Variants in EPM2A observed in about 807,000 individuals in gnomAD.
The protein encoded by EPM2A is EPM2A glucan phosphatase, laforin, also known as laforin.
In EPM2A, 21 loss-of-function variants were observed where a neutral mutation model predicts 26.5. The observed-to-expected ratio is 0.79, with a 90% CI of 0.56 to 1.14. The LOEUF is 1.14. Among genes scored for constraint, EPM2A ranks in the 50% most tolerant of loss-of-function variants. The pLI is 0.00. For synonymous variants in EPM2A, 217 were observed against 177.6 expected (o/e 1.22, Z -1.76); for missense variants, 458 against 440.8 (o/e 1.04, Z -0.35).
intron 2 of EPM2A, chr6:145,638,695 T>C (rs1438741143): frequency 1.3e-5 from 2 of 152,124 alleles, no homozygotes; most frequent in African/African-American, 4.8e-5. Context: ...AAAAGTAAGG[T>C]TATAAAGTGA....
intron 4 of EPM2A, among the ~76,000 whole-genome samples, chr6:145,395,573 C>T (rs1562318963): frequency 6.6e-6 from 1 of 152,168 alleles, no homozygotes; most frequent in Non-Finnish European, 1.5e-5. Context: ...TGAGGCCCTT[C>T]TCACCCTGCA....
intron 4 of EPM2A, among the ~76,000 whole-genome samples, chr6:145,397,492 G>A (rs1015655633): frequency 2.0e-5 from 3 of 152,102 alleles, no homozygotes; most frequent in Admixed American, 6.6e-5. Flanking sequence ...GTTGGTCTAC[G>A]CCTTTAGAAC....
At chr6:145,714,722 A>AAG (rs1259679556) in intron 1 of EPM2A, among the ~76,000 whole-genome samples, 4 of 152,172 alleles carry the variant, frequency 2.6e-5, no homozygotes, top group African/African-American at 7.2e-5. Context: ...ACAGCAGGCA[A>AAG]AGAGAGAGAG....
chr6:145,489,143 T>G (rs1779722726), intron 4 of EPM2A, among the ~76,000 whole-genome samples: 1 of 152,180 alleles, frequency 6.6e-6, no homozygotes, highest in South Asian at 2.1e-4. Flanking sequence ...CAACATTTGT[T>G]CCAACGAAAG....
At chr6:145,412,173 C>T (rs918984607) in intron 4 of EPM2A, among the ~76,000 whole-genome samples, 21 of 147,854 alleles carry the variant, frequency 1.4e-4, no homozygotes, top group African/African-American at 4.8e-4. Flanking sequence ...GCCAAGATTG[C>T]GCCATTGCAC....
chr6:145,498,477 C>T (rs2114748598), downstream of EPM2A, among the ~76,000 whole-genome samples: 1 of 152,236 alleles, frequency 6.6e-6, no homozygotes, highest in East Asian at 1.9e-4. Flanking sequence ...TGAGACTTCA[C>T]ACAGCTCTGT....
At chr6:145,478,633 T>G (rs1779570118) in intron 4 of EPM2A, among the ~76,000 whole-genome samples, 1 of 151,778 alleles carries the variant, frequency 6.6e-6, no homozygotes, top group Non-Finnish European at 1.5e-5. Flanking sequence ...CTGTTTCTCT[T>G]CTAACATAAG....
intron 1 of EPM2A, among the ~76,000 whole-genome samples, chr6:145,710,486 G>T (rs1583101019): frequency 6.6e-6 from 1 of 152,168 alleles, no homozygotes; most frequent in East Asian, 1.9e-4. Context: ...TGCTGGAGAG[G>T]ATGTAGAGAA....
At chr6:145,411,273 A>C (rs1404086684) in intron 4 of EPM2A, among the ~76,000 whole-genome samples, 1 of 152,232 alleles carries the variant, frequency 6.6e-6, no homozygotes, top group Non-Finnish European at 1.5e-5. Flanking sequence ...GACAATATAC[A>C]TTCCCTAATA....
intron 1 of EPM2A, among the ~76,000 whole-genome samples, chr6:145,703,443 G>T (rs140651324): frequency 6.6e-6 from 1 of 151,982 alleles, no homozygotes; most frequent in Non-Finnish European, 1.5e-5. Flanking sequence ...AAACAGCAAA[G>T]ATTTGGCACA....
intron 2 of EPM2A, among the ~76,000 whole-genome samples, chr6:145,595,487 T>C (rs1781330578): frequency 8.3e-6 from 1 of 120,116 alleles, no homozygotes; most frequent in Admixed American, 7.4e-5. Context: ...AAAATTTATA[T>C]TGATTTTAAA....
At chr6:145,453,379 T>C (rs1427992325) in intron 4 of EPM2A, among the ~76,000 whole-genome samples, 3 of 152,226 alleles carry the variant, frequency 2.0e-5, no homozygotes, top group East Asian at 1.9e-4. Context: ...CCCTGTTGTT[T>C]TGAAATTAAA....
chr6:145,661,708 A>G (rs191668319), intron 2 of EPM2A, among the ~76,000 whole-genome samples: 136 of 152,064 alleles, frequency 8.9e-4, no homozygotes, highest in African/African-American at 3.2e-3. Flanking sequence ...TCCAACTTTT[A>G]CTCTACTTGA....
At chr6:145,421,097 G>A (rs1365288249) in intron 4 of EPM2A, among the ~76,000 whole-genome samples, 3 of 152,246 alleles carry the variant, frequency 2.0e-5, no homozygotes, top group Admixed American at 6.5e-5. Flanking sequence ...TTTGAGAACC[G>A]AAGCTGGGGT....
intron 2 of EPM2A, among the ~76,000 whole-genome samples, chr6:145,505,777 A>G (rs193239894): frequency 1.8e-4 from 27 of 152,358 alleles, no homozygotes; most frequent in Admixed American, 7.2e-4. Flanking sequence ...TATTTTCTTA[A>G]TAAAAATTAT....
chr6:145,662,521 G>C (rs1231575153), intron 2 of EPM2A, among the ~76,000 whole-genome samples: 2 of 152,136 alleles, frequency 1.3e-5, no homozygotes, highest in African/African-American at 2.4e-5. Context: ...ATCATGATAG[G>C]TACAGAGGCT....
intron 4 of EPM2A, among the ~76,000 whole-genome samples, chr6:145,471,379 C>T (rs1410045550): frequency 1.3e-5 from 2 of 152,104 alleles, no homozygotes; most frequent in African/African-American, 2.4e-5. Context: ...TCATCCCCAT[C>T]CCTGCATCCC....
chr6:145,476,230 A>T (rs978479448), intron 4 of EPM2A, among the ~76,000 whole-genome samples: 31 of 152,192 alleles, frequency 2.0e-4, no homozygotes, highest in African/African-American at 7.5e-4. Context: ...CAAGAAGATA[A>T]AACAATTTTA....
intron 2 of EPM2A, among the ~76,000 whole-genome samples, chr6:145,601,941 G>T (rs1388905602): frequency 6.6e-6 from 1 of 151,940 alleles, no homozygotes; most frequent in Non-Finnish European, 1.5e-5. Flanking sequence ...AATGAGAAAA[G>T]GAATTACAAT....
Sources: allele counts gnomAD v4.1 joint callset (sites outside exome capture counted in the v4.1 genomes callset), GRCh38; gene constraint gnomAD v4.1.1; transcripts MANE v1.5; gene names NCBI Gene and HGNC (gene_info 2026-07-23, HGNC 2026-07-21).